Variants in NFIA observed in about 807,000 individuals in gnomAD.
NFIA encodes nuclear factor 1 A-type.
A neutral mutation model predicts 62.8 loss-of-function variants in NFIA; 8 were observed. The observed-to-expected ratio is 0.13, with a 90% CI of 0.07 to 0.23. The LOEUF is 0.23. Among genes scored for constraint, NFIA ranks in the 10% least tolerant of loss-of-function variants. NFIA has a pLI of 1.00. For missense variants in NFIA, 410 were observed against 642.1 expected, an observed-to-expected ratio of 0.64 and a Z score of 3.91; for synonymous variants, 235 against 238.1, an observed-to-expected ratio of 0.99 and a Z score of 0.12.
intron 7 of NFIA, among the ~76,000 whole-genome samples, chr1:61,402,721 G>A (rs1413246655): frequency 1.3e-5 from 2 of 152,138 alleles, no homozygotes; most frequent in Non-Finnish European, 2.9e-5. Context: ...TATTTATTGG[G>A]CAGATTAAAG....
At chr1:61,291,362 A>C (rs990366463) in intron 3 of NFIA, among the ~76,000 whole-genome samples, 4 of 152,200 alleles carry the variant, frequency 2.6e-5, no homozygotes, top group African/African-American at 9.6e-5. Flanking sequence ...ATAACTTTGA[A>C]ACAAAAGATT....
chr1:61,184,568 C>G (rs1035014088), intron 2 of NFIA, among the ~76,000 whole-genome samples: 4 of 152,252 alleles, frequency 2.6e-5, no homozygotes, highest in Non-Finnish European at 5.9e-5. Context: ...GTACAGCACA[C>G]TCGCTGGGTG....
At chr1:61,307,668 G>A (rs1659872987) in intron 3 of NFIA, among the ~76,000 whole-genome samples, 1 of 152,178 alleles carries the variant, frequency 6.6e-6, no homozygotes, top group Non-Finnish European at 1.5e-5. Flanking sequence ...AAGTTGCTCT[G>A]GAGTAATGCC....
At chr1:61,189,597 G>A (rs1029290939) in intron 2 of NFIA, among the ~76,000 whole-genome samples, 1 of 151,966 alleles carries the variant, frequency 6.6e-6, no homozygotes, top group Non-Finnish European at 1.5e-5. Flanking sequence ...ACTGGGAGGC[G>A]GAAGTTGCAG....
At chr1:61,112,734 C>T (rs1489745964) in intron 2 of NFIA, among the ~76,000 whole-genome samples, 1 of 152,132 alleles carries the variant, frequency 6.6e-6, no homozygotes, top group Admixed American at 6.6e-5. Context: ...AAATTAGAGA[C>T]ATGTTTGCAT....
At chr1:61,118,429 G>A (rs1646829094) in intron 2 of NFIA, among the ~76,000 whole-genome samples, 1 of 152,174 alleles carries the variant, frequency 6.6e-6, no homozygotes, top group Non-Finnish European at 1.5e-5. Flanking sequence ...GCAGTGAGCA[G>A]CACAGAGACA....
intron 2 of NFIA, among the ~76,000 whole-genome samples, chr1:61,271,546 G>A (rs562951575): frequency 1.8e-4 from 27 of 152,242 alleles, no homozygotes; most frequent in South Asian, 1.0e-3. Flanking sequence ...ACTAAGGGGT[G>A]GATCTCCAGA....
intron 2 of NFIA, among the ~76,000 whole-genome samples, chr1:61,194,424 T>C (rs959303454): frequency 7.2e-5 from 11 of 152,222 alleles, no homozygotes; most frequent in Non-Finnish European, 1.5e-4. Context: ...AGTGCAAGCA[T>C]CATGTCTTTG....
chr1:61,442,449 A>T (rs1667628567), intron 10 of NFIA, among the ~76,000 whole-genome samples: 1 of 152,202 alleles, frequency 6.6e-6, no homozygotes, highest in African/African-American at 2.4e-5. Context: ...ATCAACTATC[A>T]AATTATTTTG....
intron 2 of NFIA, among the ~76,000 whole-genome samples, chr1:61,200,009 T>C (rs1652316483): frequency 3.6e-5 from 2 of 55,478 alleles, no homozygotes; most frequent in African/African-American, 1.3e-4. Flanking sequence ...AATATATATA[T>C]GTATATATAT....
intron 3 of NFIA, among the ~76,000 whole-genome samples, chr1:61,301,312 A>G (rs1659485313): frequency 6.6e-6 from 1 of 152,188 alleles, no homozygotes; most frequent in Non-Finnish European, 1.5e-5. Context: ...CATGAAAGTA[A>G]CTTGCTGCCA....
intron 2 of NFIA, among the ~76,000 whole-genome samples, chr1:61,212,566 C>T (rs984055404): frequency 2.0e-5 from 3 of 152,166 alleles, no homozygotes; most frequent in African/African-American, 7.2e-5. Context: ...TAAAGAAGCT[C>T]ATTTTCTATA....
chr1:61,213,603 C>T (rs1653402736), intron 2 of NFIA, among the ~76,000 whole-genome samples: 1 of 152,096 alleles, frequency 6.6e-6, no homozygotes, highest in Admixed American at 6.5e-5. Context: ...TACTGTTTTC[C>T]CAGGATAAAA....
intron 10 of NFIA, among the ~76,000 whole-genome samples, chr1:61,432,843 G>A (rs535457536): frequency 6.6e-6 from 1 of 152,076 alleles, no homozygotes; most frequent in East Asian, 1.9e-4. Context: ...AAGTCTTATT[G>A]GCCAAATGAA....
chr1:61,327,133 G>C (rs1660988917), intron 3 of NFIA, among the ~76,000 whole-genome samples: 1 of 148,306 alleles, frequency 6.7e-6, no homozygotes, highest in Admixed American at 6.8e-5. Flanking sequence ...CATTTTAATA[G>C]TTTCCCAGTG....
intron 2 of NFIA, among the ~76,000 whole-genome samples, chr1:61,258,370 A>G (rs1235672907): frequency 1.3e-5 from 2 of 152,206 alleles, no homozygotes; most frequent in Non-Finnish European, 2.9e-5. Context: ...TTCTAGACCC[A>G]TCTTTTTAAA....
chr1:61,079,833 TA>T (rs1193897413), upstream of NFIA, among the ~76,000 whole-genome samples: 1 of 152,236 alleles, frequency 6.6e-6, no homozygotes, highest in East Asian at 1.9e-4. Context: ...AAATGTTTTT[TA>T]CCCCCAGTCT....
chr1:61,145,454 G>A (rs996086029), intron 2 of NFIA, among the ~76,000 whole-genome samples: 4 of 152,116 alleles, frequency 2.6e-5, no homozygotes, highest in African/African-American at 9.7e-5. Flanking sequence ...GATTATCAAG[G>A]TTTATCTCCA....
In NFIA at chr1:61,138,872, G is replaced by A. The variant is rs541385265; in HGVS notation, c.559+50192G>A. Among the ~76,000 whole-genome samples the A allele has an allele frequency of 1.0e-4, 15 of 150,440 alleles. No individual in the cohort carries two copies. The East Asian group carries it at 1.9e-3, about 19-fold the overall frequency. On this transcript the variant is annotated intron_variant, in intron 2 of 10. Transcript: ENST00000403491. ...GCTACTATTACGGGTGTGAGCCACC[G>A]TGCCTGGCTAGAATTAGTCATTTTA...
Sources: allele counts gnomAD v4.1 joint callset (sites outside exome capture counted in the v4.1 genomes callset), GRCh38; gene constraint gnomAD v4.1.1; transcripts MANE v1.5; gene names NCBI Gene and HGNC (gene_info 2026-07-23, HGNC 2026-07-21).